The following APBA2 variants were observed in gnomAD, a reference collection of about 807,000 sequenced individuals.
APBA2 encodes the protein amyloid beta precursor protein binding family A member 2.
In APBA2, 30 loss-of-function variants were observed where a neutral mutation model predicts 75.0. The ratio of observed to expected loss-of-function variants is 0.40; its 90% confidence interval spans 0.30 to 0.54. The LOEUF is 0.54. APBA2 is among the 20% of genes least tolerant of loss of function. The pLI is 0.49. For synonymous variants in APBA2, 444 were observed against 409.6 expected (o/e 1.08, Z -1.01); for missense variants, 801 against 1,016.1 (o/e 0.79, Z 2.88).
chr15:28,899,394 T>C (rs1170267263), intron 1 of APBA2, among the ~76,000 whole-genome samples: 1 of 152,270 alleles, frequency 6.6e-6, no homozygotes, highest in Admixed American at 6.5e-5. Context: ...GATAGGGCCA[T>C]GTCGCTGACT....
At chr15:28,957,136 A>G (rs59917932) in intron 2 of APBA2, among the ~76,000 whole-genome samples, 3,767 of 151,854 alleles carry the variant, frequency 0.025, 154 homozygotes, top group East Asian at 0.17. Flanking sequence ...GCAGTGGTGC[A>G]ATCTCAGCTC....
At chr15:29,089,396 C>T (rs1048405582) in intron 6 of APBA2, among the ~76,000 whole-genome samples, 2 of 152,226 alleles carry the variant, frequency 1.3e-5, no homozygotes, top group Non-Finnish European at 2.9e-5. Flanking sequence ...CACTCCAAGA[C>T]TCCGTGCCTT....
intron 1 of APBA2, among the ~76,000 whole-genome samples, chr15:28,915,158 C>T (rs1339433785): frequency 0.014 from 1 of 72 alleles, no homozygotes; most frequent in Non-Finnish European, 0.038. Flanking sequence ...TACCCATACA[C>T]ACCACACACC....
At chr15:28,889,821 A>G (rs1310732164) in intron 1 of APBA2, among the ~76,000 whole-genome samples, 1 of 152,128 alleles carries the variant, frequency 6.6e-6, no homozygotes, top group Non-Finnish European at 1.5e-5. Context: ...CCCTACATAA[A>G]TTGGCTTTGT....
intron 2 of APBA2, among the ~76,000 whole-genome samples, chr15:28,987,755 C>CTTTTT (rs1161611215): frequency 1.1e-5 from 1 of 92,886 alleles, no homozygotes; most frequent in Non-Finnish European, 2.0e-5. Flanking sequence ...TATATATATT[C>CTTTTT]TTTTTTTTTT....
chr15:28,953,843 A>G (rs1342222177), intron 2 of APBA2, among the ~76,000 whole-genome samples: 1 of 152,078 alleles, frequency 6.6e-6, no homozygotes, highest in Non-Finnish European at 1.5e-5. Flanking sequence ...CGCTCGGTCC[A>G]CACTCCCACC....
chr15:28,959,234 G>A (rs1340130191), intron 2 of APBA2, among the ~76,000 whole-genome samples: 1 of 152,174 alleles, frequency 6.6e-6, no homozygotes, highest in Non-Finnish European at 1.5e-5. Flanking sequence ...TGATCCACCT[G>A]CCTCGGCCTC....
intron 2 of APBA2, among the ~76,000 whole-genome samples, chr15:28,949,018 G>A (rs2035703367): frequency 1.3e-5 from 2 of 152,052 alleles, no homozygotes; most frequent in Non-Finnish European, 1.5e-5. Flanking sequence ...GTAAGAAATG[G>A]CAGAGGTTTG....
intron 8 of APBA2, among the ~76,000 whole-genome samples, chr15:29,097,529 T>C (rs1450558840): frequency 2.0e-5 from 3 of 152,252 alleles, no homozygotes; most frequent in African/African-American, 4.8e-5. Flanking sequence ...TCCTTCGAGT[T>C]ATTACTTTTT....
chr15:28,887,113 G>T (rs1427230777), intron 1 of APBA2, among the ~76,000 whole-genome samples: 1 of 152,252 alleles, frequency 6.6e-6, no homozygotes, highest in African/African-American at 2.4e-5. Context: ...CGTATTTACT[G>T]GCAGAAGGAA....
chr15:29,010,289 C>T (rs1483781877), intron 3 of APBA2, among the ~76,000 whole-genome samples: 7 of 152,068 alleles, frequency 4.6e-5, no homozygotes, highest in Admixed American at 3.3e-4. Context: ...GATGGAGTCT[C>T]GCTCTGTCGC....
rs1432627809 is a variant in APBA2 at position 28,911,650 on chromosome 15, A to G, written c.-204-9990A>G. On this transcript the variant is annotated intron_variant, in intron 1 of 14. Coordinates refer to ENST00000683413, the MANE Select transcript of APBA2 (RefSeq NM_001353788.2). ...CTTAAGCCATTCAGAAATGTTTCAC[A>G]TTTTAAAAAACAAAAGGTAGTTGCT... Among the ~76,000 whole-genome samples the G allele has an allele frequency of 2.6e-5, 4 of 152,214 alleles. No individual in the cohort carries two copies. The South Asian group carries it at 8.3e-4, about 31-fold the overall frequency.
intron 2 of APBA2, among the ~76,000 whole-genome samples, chr15:28,942,197 G>C (rs1235931517): frequency 6.6e-6 from 1 of 152,266 alleles, no homozygotes; most frequent in East Asian, 1.9e-4. Context: ...ACAGTCTGCT[G>C]GTGCAGGATG....
At chr15:29,084,682 C>T (rs374874853) in intron 6 of APBA2, among the ~76,000 whole-genome samples, 5 of 152,156 alleles carry the variant, frequency 3.3e-5, no homozygotes, top group East Asian at 1.9e-4. Context: ...AAACAAAACC[C>T]GTCTATTGAG....
At chr15:29,033,940 G>T (rs1406129139) in intron 3 of APBA2, among the ~76,000 whole-genome samples, 1 of 143,502 alleles carries the variant, frequency 7.0e-6, no homozygotes, top group African/African-American at 2.7e-5. Flanking sequence ...ACTCCAGCCT[G>T]GGCGACAGAG....
At chr15:29,010,341 C>T (rs960363223) in intron 3 of APBA2, among the ~76,000 whole-genome samples, 1 of 152,190 alleles carries the variant, frequency 6.6e-6, no homozygotes, top group Non-Finnish European at 1.5e-5. Context: ...TCACTGTAAG[C>T]TTCGCCTCGT....
chr15:29,037,185 T>G (rs370375965), intron 3 of APBA2, among the ~76,000 whole-genome samples: 3 of 152,230 alleles, frequency 2.0e-5, no homozygotes, highest in Admixed American at 2.0e-4. Flanking sequence ...TCAAAGTGAT[T>G]GAGTAACCTG....
intron 9 of APBA2, among the ~76,000 whole-genome samples, chr15:29,099,331 G>T (rs2044006145): frequency 6.6e-6 from 1 of 152,204 alleles, no homozygotes; most frequent in Non-Finnish European, 1.5e-5. Flanking sequence ...ATTTATTTCA[G>T]CAGATGGCTC....
At chr15:29,015,908 T>A (rs1290762853) in intron 3 of APBA2, among the ~76,000 whole-genome samples, 2 of 152,144 alleles carry the variant, frequency 1.3e-5, no homozygotes, top group African/African-American at 2.4e-5. Context: ...GGCCCCCCAC[T>A]TCCCAGAATT....
Sources: allele counts gnomAD v4.1 joint callset (sites outside exome capture counted in the v4.1 genomes callset), GRCh38; gene constraint gnomAD v4.1.1; transcripts MANE v1.5; gene names NCBI Gene and HGNC (gene_info 2026-07-23, HGNC 2026-07-21).